The following GABRR2 variants were observed in gnomAD, a reference collection of about 807,000 sequenced individuals.
GABRR2 encodes gamma-aminobutyric acid type A receptor subunit rho2, also known as gamma-aminobutyric acid receptor subunit rho-2.
A neutral mutation model predicts 47.0 loss-of-function variants in GABRR2; 36 were observed. The observed-to-expected ratio is 0.77, with a 90% CI of 0.59 to 1.01. GABRR2 has a LOEUF of 1.01. Among genes scored for constraint, GABRR2 ranks in the 50% least tolerant of loss-of-function variants. The probability of loss-of-function intolerance (pLI) is 0.00; values close to 1 mark genes in which losing one functional copy is unlikely to be tolerated. For missense variants in GABRR2, 587 were observed against 594.6 expected (o/e 0.99, Z 0.13); for synonymous variants, 204 against 227.5 (o/e 0.90, Z 0.93).
intron 3 of GABRR2, 25 bp downstream of exon 3, chr6:89,271,630 T>C (rs1377670584): frequency 1.9e-6 from 3 of 1,600,290 alleles, no homozygotes; most frequent in Non-Finnish European, 2.6e-6. Context: ...GCTCTCACGC[T>C]GTGTCACTGG....
At chr6:89,274,458 C>G (rs1476815622) in intron 2 of GABRR2, among the ~76,000 whole-genome samples, 1 of 152,138 alleles carries the variant, frequency 6.6e-6, no homozygotes, top group African/African-American at 2.4e-5. Flanking sequence ...CTTCCATGAA[C>G]AATTTTATGT....
intron 1 of GABRR2, among the ~76,000 whole-genome samples, chr6:89,304,857 C>T (rs1767529449): frequency 6.6e-6 from 1 of 152,132 alleles, no homozygotes; most frequent in South Asian, 2.1e-4. Context: ...TAAATTAGTT[C>T]AACCATTGTG....
chr6:89,260,582 G>C (rs1251337556), intron 8 of GABRR2, among the ~76,000 whole-genome samples: 2 of 152,192 alleles, frequency 1.3e-5, no homozygotes, highest in Non-Finnish European at 2.9e-5. Flanking sequence ...CAAACCAGGG[G>C]TGGGCCTAAC....
At position 89,299,669 on chromosome 6, in the gene GABRR2, G is replaced by A; in HGVS notation, c.220+90C>T. The A allele has an allele frequency of 6.2e-6, 5 of 809,122 alleles. No homozygotes were observed. In the South Asian group the frequency reaches 7.3e-5, roughly 12 times the overall value. 50.1% of individuals were successfully genotyped at this position (809,122 alleles called of 1,614,324 possible). A position where few individuals can be genotyped will look rare whatever the true frequency, so the allele number is the denominator to read the frequency against. On this transcript the variant is annotated intron_variant, in intron 2 of 8. Coordinates refer to ENST00000402938, the MANE Select transcript of GABRR2 (RefSeq NM_002043.5). ...GAGTGGGAAAATTGCACCATCTGAG[G>A]AAGCGCTGTGCCAGAGGGAGCCAGA...
chr6:89,292,785 TACGA>T lies in GABRR2; in HGVS notation c.220+6970_220+6973del, dbSNP rs1275922735. Among the ~76,000 whole-genome samples the T allele has an allele frequency of 7.7e-3, 250 of 32,304 alleles. 31 individuals are homozygous for T. Among genetic ancestry groups the T allele is most frequent in the Non-Finnish European group, 0.01 (199 of 19,112 alleles). 21.2% of individuals were successfully genotyped at this position (32,304 alleles called of 152,430 possible). A position where few individuals can be genotyped will look rare whatever the true frequency, so the allele number is the denominator to read the frequency against. ...TACGATATATCGTATATATCGTATA[TACGA>T]TATATCGTATATATCGTATATACGA... On this transcript the variant is annotated intron_variant, in intron 2 of 8. Coordinates refer to ENST00000402938, the MANE Select transcript of GABRR2 (RefSeq NM_002043.5).
intron 3 of GABRR2, among the ~76,000 whole-genome samples, chr6:89,270,862 T>G (rs1774035374): frequency 6.6e-6 from 1 of 152,118 alleles, no homozygotes; most frequent in South Asian, 2.1e-4. Context: ...TCATGGAGCT[T>G]ATAGTCAAGC....
At chr6:89,282,267 C>T (rs1396313350) in intron 2 of GABRR2, among the ~76,000 whole-genome samples, 1 of 152,220 alleles carries the variant, frequency 6.6e-6, no homozygotes, top group African/African-American at 2.4e-5. Context: ...AGCAAGGACA[C>T]GTGCATTTGA....
At chr6:89,288,097 C>A (rs1465954024) in intron 2 of GABRR2, among the ~76,000 whole-genome samples, 1 of 152,168 alleles carries the variant, frequency 6.6e-6, no homozygotes, top group Non-Finnish European at 1.5e-5. Context: ...GGTTTAGTTC[C>A]CCTCCCCTTG....
At chr6:89,281,744 C>T (rs1300273824) in intron 2 of GABRR2, among the ~76,000 whole-genome samples, 1 of 152,118 alleles carries the variant, frequency 6.6e-6, no homozygotes, top group Non-Finnish European at 1.5e-5. Context: ...CCCTTGAATC[C>T]TTGCTTGCTG....
At chr6:89,274,910 G>A (rs986257666) in intron 2 of GABRR2, among the ~76,000 whole-genome samples, 1 of 151,958 alleles carries the variant, frequency 6.6e-6, no homozygotes, top group African/African-American at 2.4e-5. Context: ...ATCTGGTAAC[G>A]CAAAGAGACT....
At chr6:89,295,932 G>C (rs1390037825) in intron 2 of GABRR2, among the ~76,000 whole-genome samples, 1 of 152,176 alleles carries the variant, frequency 6.6e-6, no homozygotes, top group Non-Finnish European at 1.5e-5. Flanking sequence ...AAGATCAGAT[G>C]GTTGTAGATG....
chr6:89,273,700 T>C (rs1774104074), intron 2 of GABRR2, among the ~76,000 whole-genome samples: 1 of 152,202 alleles, frequency 6.6e-6, no homozygotes, highest in South Asian at 2.1e-4. Flanking sequence ...GCCAGAGCTG[T>C]CTCCTAGTAC....
intron 1 of GABRR2, chr6:89,302,764 A>T: frequency 2.8e-6 from 4 of 1,444,458 alleles, no homozygotes; most frequent in Non-Finnish European, 3.8e-6. Flanking sequence ...CTGTCCATCC[A>T]GAGCAAGAAC....
At chr6:89,306,184 C>T (rs975025454) in intron 1 of GABRR2, among the ~76,000 whole-genome samples, 1 of 150,880 alleles carries the variant, frequency 6.6e-6, no homozygotes, top group Non-Finnish European at 1.5e-5. Context: ...TGAGACCAGC[C>T]TGGGCAACAT....
At chr6:89,283,592 G>A (rs745751751) in intron 2 of GABRR2, among the ~76,000 whole-genome samples, 10 of 152,236 alleles carry the variant, frequency 6.6e-5, no homozygotes, top group South Asian at 2.1e-4. Flanking sequence ...TAGCACAATC[G>A]TCTAGAAAGT....
chr6:89,268,840 C>T (rs543705329), intron 4 of GABRR2, among the ~76,000 whole-genome samples, 171 bp downstream of exon 4: 1 of 152,222 alleles, frequency 6.6e-6, no homozygotes, highest in South Asian at 2.1e-4. Flanking sequence ...GGAAGTTGTC[C>T]CCTGCTGGGG....
At position 89,257,694 on chromosome 6, in the gene GABRR2, T is replaced by A. The variant is rs946991371; in HGVS notation, c.1374A>T (p.Leu458Phe). 5 of 1,613,010 alleles carry A rather than the reference T, an allele frequency of 3.1e-6. No individual in the cohort carries two copies. Among genetic ancestry groups the A allele is most frequent in the Non-Finnish European group, 3.4e-6 (4 of 1,179,494 alleles). The change falls in exon 9 of 9, where the codon TTA becomes TTT. Residue 458 changes from leucine to phenylalanine, a missense_variant. Transcript: ENST00000402938. ...CCTAGGAAAACACTGACCAATAAATTAAGTTGAAAAATATGTAGGAGGCAG... is the reference window on the plus strand; with the variant it reads ...CCTAGGAAAACACTGACCAATAAATAAAGTTGAAAAATATGTAGGAGGCAG... Reference protein sequence around the residue: ...IFPASYIFFNLIYWSVFS With the variant: ...IFPASYIFFNFIYWSVFS
At chr6:89,307,929 C>A (rs3777515) in intron 1 of GABRR2, among the ~76,000 whole-genome samples, 54,249 of 150,598 alleles carry the variant, frequency 0.36, 10,682 homozygotes, top group African/African-American at 0.52. Context: ...TGATTCTCCT[C>A]CCTCAGCCTC....
intron 2 of GABRR2, among the ~76,000 whole-genome samples, chr6:89,293,738 G>C (rs1291000137): frequency 3.9e-5 from 6 of 152,222 alleles, no homozygotes; most frequent in African/African-American, 7.2e-5. Context: ...AGTAAGCTCT[G>C]ATCCTGCCAC....
Sources: allele counts gnomAD v4.1 joint callset (sites outside exome capture counted in the v4.1 genomes callset), GRCh38; gene constraint gnomAD v4.1.1; transcripts MANE v1.5; gene names NCBI Gene and HGNC (gene_info 2026-07-23, HGNC 2026-07-21).